The following EWSR1 variants were observed in gnomAD, a reference collection of about 807,000 sequenced individuals.
EWSR1 encodes the protein EWS RNA binding protein 1.
Under a neutral mutation model 92.1 loss-of-function variants are expected in EWSR1, and 14 were observed. The ratio of observed to expected loss-of-function variants is 0.15; its 90% confidence interval spans 0.10 to 0.24. The LOEUF is 0.24. EWSR1 is among the 10% of genes least tolerant of loss of function. EWSR1 has a pLI of 1.00. For missense variants in EWSR1, 637 were observed against 870.9 expected, an observed-to-expected ratio of 0.73 and a Z score of 3.38; for synonymous variants, 303 against 292.9, an observed-to-expected ratio of 1.03 and a Z score of -0.35.
At chr22:29,291,030 C>G in intron 8 of EWSR1, 1 of 236,724 alleles carries the variant, frequency 4.2e-6, no homozygotes, top group African/African-American at 2.2e-5. Context: ...AGATGTATGG[C>G]TTTATGCTGA....
chr22:29,278,957 T>C (rs923158041), intron 5 of EWSR1, among the ~76,000 whole-genome samples: 1 of 151,566 alleles, frequency 6.6e-6, no homozygotes, highest in African/African-American at 2.4e-5. Flanking sequence ...ATGGCACCAT[T>C]GTACTCTAGC....
rs2061239067 is a variant in EWSR1, at chr22:29,300,155, C to G, written c.1965C>G (p.Pro655=). 6.3e-7 allele frequency: 1 copy of G among 1,587,308 alleles called. No homozygotes were observed. Residue 655 remains proline (P), a synonymous_variant, in exon 17 of 17, where the codon CCC becomes CCG. Transcript: ENST00000397938. ...ACCGTCAGGAGCGCAGAGATCGGCC[C>G]TACTAGATGCAGAGACCCCGCAGAG... ...GEHRQERRDR[P]Y
Position 29,300,126 on chromosome 22 carries a change from G to C in EWSR1, c.1936G>C (p.Glu646Gln). Residue 646 changes from glutamate to glutamine, a missense_variant, in exon 17 of 17, where the codon GAG (glutamate) becomes CAG (glutamine). Glu to Gln is a conservative substitution (Grantham distance 29). Coordinates refer to ENST00000397938, the MANE Select transcript of EWSR1 (RefSeq NM_005243.4). The stretch of plus-strand genomic sequence containing the variant: ...AGGGCCCTCTTTACCTTGCAGAGGC[G>C]AGCACCGTCAGGAGCGCAGAGATCG... The part of the protein sequence containing the change: ...RGGPGKMDKG[E>Q]HRQERRDRPY 2 of 1,603,734 alleles carry C rather than the reference G, an allele frequency of 1.2e-6. No individual in the cohort carries two copies. Among genetic ancestry groups the C allele is most frequent in the Non-Finnish European group, 1.7e-6 (2 of 1,178,136 alleles).
chr22:29,276,258 G>A (rs1470634001), intron 4 of EWSR1: 1 of 230,020 alleles, frequency 4.3e-6, no homozygotes, highest in Non-Finnish European at 8.6e-6. Flanking sequence ...TGCCTTATGT[G>A]GTTGACCTTA....
chr22:29,300,239 A>G lies in EWSR1; in HGVS notation c.*78A>G, dbSNP rs1402710650. The G allele has an allele frequency of 3.0e-6, 4 of 1,345,606 alleles. No homozygotes were observed. Among genetic ancestry groups the G allele is most frequent in the Admixed American group, 1.8e-5 (1 of 56,990 alleles). The allele number at this position is 1,345,606 out of a possible 1,614,324, so 83.4% of individuals were successfully genotyped here. ...GAAAATGTTTTAAATTTATAATTCCATATTTATAATGTTGGCCACAACATT... is the reference window on the plus strand; with the variant it reads ...GAAAATGTTTTAAATTTATAATTCCGTATTTATAATGTTGGCCACAACATT... On this transcript the variant is annotated 3_prime_UTR_variant, in exon 17 of 17. Transcript: ENST00000397938.
In EWSR1 at chr22:29,287,048, C is replaced by T. The variant is rs549498464; in HGVS notation, c.707C>T (p.Pro236Leu). 1.2e-6 allele frequency: 2 copies of T among 1,613,996 alleles called. No homozygotes were observed. The highest frequency in any genetic ancestry group is 1.1e-5 in the South Asian group (1 of 91,076). The change falls in exon 7 of 17, where the codon CCT becomes CTT. Residue 236 changes from proline to leucine, a missense_variant. By Grantham distance (98) the Pro-to-Leu change is moderately conservative. This residue lies in a region of EWSR1 where 116 missense variants were observed against 167.8 expected (regional missense o/e 0.69). Transcript: ENST00000397938. Reference protein sequence around the residue: ...YGQQSSYGQQPPTSYPPQTGS... With the variant: ...YGQQSSYGQQLPTSYPPQTGS... ...CAACAAAGCAGCTATGGGCAGCAGC[C>T]TCCCACTAGTTACCCACCCCAAACT...
At chr22:29,299,050 C>T in intron 14 of EWSR1, 155 bp downstream of exon 14, 1 of 1,366,336 alleles carries the variant, frequency 7.3e-7, no homozygotes. Flanking sequence ...CTGGACGCTT[C>T]AGAGCCTTCT....
chr22:29,271,593 G>T (rs2058686713), intron 1 of EWSR1, among the ~76,000 whole-genome samples: 1 of 152,130 alleles, frequency 6.6e-6, no homozygotes, highest in South Asian at 2.1e-4. Flanking sequence ...CTTCACCAGG[G>T]TTTATAATAT....
chr22:29,299,820 G>A lies in EWSR1; in HGVS notation c.1900G>A (p.Gly634Arg). 1.3e-6 allele frequency: 2 copies of A among 1,553,374 alleles called. No individual in the cohort carries two copies. The highest frequency in any genetic ancestry group is 1.2e-5 in the South Asian group (1 of 83,522). Residue 634 changes from glycine (G) to arginine (R), a missense_variant, in exon 16 of 17, where the codon GGA becomes AGA. Physicochemically the swap from Gly to Arg is moderately radical, Grantham distance 125. This residue lies in a region of EWSR1 where 363 missense variants were observed against 447.8 expected (regional missense o/e 0.81). Coordinates refer to ENST00000397938, the MANE Select transcript of EWSR1 (RefSeq NM_005243.4). Reference sequence around the variant, plus strand: ...GATGGAACAGATGGGAGGAAGAAGAGGAGGACGTGGAGGACCTGGAAAAAT... The same window carrying A: ...GATGGAACAGATGGGAGGAAGAAGAAGAGGACGTGGAGGACCTGGAAAAAT... ...PLMEQMGGRRGGRGGPGKMDK... is the reference protein window; with the variant it reads ...PLMEQMGGRRRGRGGPGKMDK...
chr22:29,283,025 G>C (rs1322517095), intron 6 of EWSR1, among the ~76,000 whole-genome samples: 1 of 152,230 alleles, frequency 6.6e-6, no homozygotes, highest in Non-Finnish European at 1.5e-5. Flanking sequence ...GCCTCCCACA[G>C]TGCTGGGATT....
intron 5 of EWSR1, among the ~76,000 whole-genome samples, chr22:29,279,399 A>C (rs980783558): frequency 6.6e-6 from 1 of 152,220 alleles, no homozygotes; most frequent in African/African-American, 2.4e-5. Context: ...AGCAATTGAC[A>C]TGACTTCCCT....
At chr22:29,299,899 G>A (rs776136655) in intron 16 of EWSR1, 48 bp downstream of exon 16, 1 of 1,533,546 alleles carries the variant, frequency 6.5e-7, no homozygotes, top group Non-Finnish European at 8.8e-7. Context: ...ACAGTAAGAG[G>A]ACAGCCCTTC....
rs1400013006 is a variant in EWSR1 at position 29,272,344 on chromosome 22, T to A, written c.51-36T>A. On this transcript the variant is annotated intron_variant, in intron 2 of 16. Transcript: ENST00000397938. ...AATTGTAGAGGTGGTATTTGAATGT[T>A]CTCTATTCAAGTTATTGCATTTAAT... 6 of 1,610,948 alleles carry A rather than the reference T, an allele frequency of 3.7e-6. No homozygotes were observed. In the Admixed American group the frequency reaches 8.3e-5, roughly 22 times the overall value.
At chr22:29,292,657 AT>A (rs1478422403) in intron 11 of EWSR1, 51 bp downstream of exon 11, 1 of 1,200,158 alleles carries the variant, frequency 8.3e-7, no homozygotes, top group Non-Finnish European at 1.2e-6. Flanking sequence ...ACCACAGAGC[AT>A]TTTAAAGAGA....
At chr22:29,287,698 A>G (rs1456219840) in intron 7 of EWSR1, among the ~76,000 whole-genome samples, 30 of 152,196 alleles carry the variant, frequency 2.0e-4, no homozygotes, top group Admixed American at 2.0e-3. Context: ...ATCAGAAAAA[A>G]TGTTTTAGAC....
chr22:29,294,054 G>A (rs991206343), intron 11 of EWSR1, among the ~76,000 whole-genome samples: 1 of 147,780 alleles, frequency 6.8e-6, no homozygotes, highest in African/African-American at 2.5e-5. Flanking sequence ...AGTAGAGATG[G>A]GATTTCACCA....
At chr22:29,289,853 A>G (rs555416449) in intron 8 of EWSR1, 15 of 231,352 alleles carry the variant, frequency 6.5e-5, no homozygotes, top group Non-Finnish European at 1.2e-4. Flanking sequence ...CTTTATTGGA[A>G]GAAAGTCATT....
intron 5 of EWSR1, 141 bp downstream of exon 5, chr22:29,278,357 A>T: frequency 2.5e-6 from 2 of 805,880 alleles, no homozygotes; most frequent in Non-Finnish European, 3.9e-6. Flanking sequence ...TTAGTAACTG[A>T]TGTGCTAGAA....
At chr22:29,287,690 C>A (rs959142262) in intron 7 of EWSR1, among the ~76,000 whole-genome samples, 2 of 152,168 alleles carry the variant, frequency 1.3e-5, no homozygotes, top group African/African-American at 4.8e-5. Flanking sequence ...ACTAATTGAT[C>A]AGAAAAAATG....
Sources: allele counts gnomAD v4.1 joint callset (sites outside exome capture counted in the v4.1 genomes callset), GRCh38; gene constraint gnomAD v4.1.1; regional missense constraint gnomAD v4.1.1; transcripts MANE v1.5; gene names NCBI Gene and HGNC (gene_info 2026-07-23, HGNC 2026-07-21).